NKPD1: variants seen among roughly 807,000 people sequenced by gnomAD.
NKPD1 encodes NTPase KAP family P-loop domain containing 1.
A neutral mutation model predicts 42.2 loss-of-function variants in NKPD1; 37 were observed. The ratio of observed to expected loss-of-function variants is 0.88; its 90% CI spans 0.67 to 1.15. NKPD1 has a LOEUF of 1.15. Among genes scored for constraint, NKPD1 ranks in the 50% most tolerant of loss-of-function variants. The pLI is 0.00. For missense variants in NKPD1, 1,113 were observed against 1,174.6 expected (o/e 0.95, Z 0.77); for synonymous variants, 552 against 536.5 (o/e 1.03, Z -0.40).
intron 2 of NKPD1, among the ~76,000 whole-genome samples, chr19:45,159,731 G>T (rs1968971733): frequency 6.6e-6 from 1 of 152,154 alleles, no homozygotes; most frequent in South Asian, 2.1e-4. Context: ...ATGTTCAGTG[G>T]GGGGGCTCCC....
intron 4 of NKPD1, 84 bp downstream of exon 4, chr19:45,155,701 G>A (rs557456920): frequency 3.5e-4 from 428 of 1,222,386 alleles, no homozygotes; most frequent in Middle Eastern, 3.5e-3. Flanking sequence ...AGGGGTGGGG[G>A]GATCTGGGGG....
In NKPD1 at chr19:45,158,796, C is replaced by A; in HGVS notation, c.396G>T (p.Thr132=). The part of the protein sequence containing the change: ...SAPQAPTLPT[T]APAMARSGPA... Reference sequence around the variant, plus strand: ...GGCCACTCCTGGCCATGGCTGGTGCCGTGGTGGGTAAGGTGGGCGCCTGAG... The same window carrying A: ...GGCCACTCCTGGCCATGGCTGGTGCAGTGGTGGGTAAGGTGGGCGCCTGAG... Residue 132 remains threonine (T), a synonymous_variant, in exon 3 of 5, where the codon ACG becomes ACT. Transcript: ENST00000686631. This position sits in a 1 kb window ranked among gnomAD's most constrained non-coding sequence, Gnocchi z 4.6. 1 of 1,259,102 alleles carries A rather than the reference C, an allele frequency of 7.9e-7. No homozygotes were observed. Among genetic ancestry groups the A allele is most frequent in the Non-Finnish European group, 1.0e-6 (1 of 968,542 alleles). The allele number at this position is 1,259,102 out of a possible 1,614,324, so 78.0% of individuals were successfully genotyped here. A position where few individuals can be genotyped will look rare whatever the true frequency, so the allele number is the denominator to read the frequency against.
In NKPD1 at chr19:45,153,000, C is replaced by A; in HGVS notation, c.1437G>T (p.Leu479=). The A allele has an allele frequency of 1.9e-6, 3 of 1,586,528 alleles. No individual in the cohort carries two copies. Among genetic ancestry groups the A allele is most frequent in the Non-Finnish European group, 2.6e-6 (3 of 1,165,696 alleles). ...TGAAGGGCGCGTGGCTGTCGGACAG[C>A]AGCGTGTTGATGGCGTTGAGCACGC... ...VVGVLNAINT[L]LSDSHAPFIF... is the part of the protein sequence containing the mutation. Residue 479 remains leucine (L), a synonymous_variant, in exon 5 of 5, where the codon CTG becomes CTT. Coordinates refer to ENST00000686631, the MANE Select transcript of NKPD1 (RefSeq NM_198478.4).
chr19:45,154,034 G>A (rs1354438290), intron 4 of NKPD1, among the ~76,000 whole-genome samples: 2 of 152,230 alleles, frequency 1.3e-5, no homozygotes, highest in Admixed American at 6.5e-5. Flanking sequence ...AGGTAGAGCC[G>A]GCAGAGGAGA....
At chr19:45,162,286 A>C (rs1164342852), upstream of NKPD1, among the ~76,000 whole-genome samples, 1 of 152,046 alleles carries the variant, frequency 6.6e-6, no homozygotes, top group African/African-American at 2.4e-5. Context: ...ACACAGCTAC[A>C]CTCAGCCAGG....
rs1170601544 is a variant in NKPD1, at chr19:45,159,042, C to T, written c.150G>A (p.Arg50=). 7.7e-7 allele frequency: 1 copy of T among 1,299,926 alleles called. No individual in the cohort carries two copies. The highest frequency in any genetic ancestry group is 2.3e-5 in the Admixed American group (1 of 42,756). 80.5% of individuals were successfully genotyped at this position (1,299,926 alleles called of 1,614,324 possible). The change falls in exon 3 of 5, where the codon CGG becomes CGA. Residue 50 remains arginine (R), a synonymous_variant. Coordinates refer to ENST00000686631, the MANE Select transcript of NKPD1 (RefSeq NM_198478.4). ...SAALRAHGPC[R]PSPQSHWQLA... is the part of the protein sequence containing the mutation. ...GCTGCCAGTGTGATTGGGGGGAAGG[C>T]CGACAGGGCCCATGGGCTCGGAGGG...
intron 4 of NKPD1, among the ~76,000 whole-genome samples, chr19:45,154,346 C>G (rs1384592764): frequency 6.6e-6 from 1 of 152,204 alleles, no homozygotes; most frequent in Non-Finnish European, 1.5e-5. Flanking sequence ...GGACAAGTCT[C>G]TCTCCCCTGC....
At chr19:45,154,333 T>G (rs1018089613) in intron 4 of NKPD1, among the ~76,000 whole-genome samples, 3 of 152,216 alleles carry the variant, frequency 2.0e-5, no homozygotes, top group African/African-American at 7.2e-5. Flanking sequence ...CATCACTGTC[T>G]GAGGACAAGT....
rs4803799 is a variant in NKPD1, at chr19:45,152,228, G to C, written c.2209C>G (p.Gln737Glu). The C allele has an allele frequency of 5.9e-3, 9,444 of 1,604,378 alleles. 232 individuals are homozygous for C. In the African/African-American group the frequency reaches 0.065, roughly 11 times the overall value. ...ADFPFTVAEA[Q>E]SLLRCTVNLD... is the part of the protein sequence containing the mutation. ...TTGACCGTGCAGCGCAGCAGGCTCT[G>C]CGCCTCGGCCACGGTGAAGGGGAAG... The change falls in exon 5 of 5, where the codon CAG becomes GAG. Residue 737 changes from glutamine (Q) to glutamate (E), a missense_variant. Gln to Glu is a conservative substitution (Grantham distance 29, BLOSUM62 2). This residue lies in a region of NKPD1 where 867 missense variants were observed against 870.1 expected (regional missense o/e 1.00). Coordinates refer to ENST00000686631, the MANE Select transcript of NKPD1 (RefSeq NM_198478.4).
In NKPD1 at chr19:45,152,117, G is replaced by C; in HGVS notation, c.2320C>G (p.Arg774Gly). The change falls in exon 5 of 5, where the codon CGC becomes GGC. Residue 774 changes from arginine (R) to glycine (G), a missense_variant. Around this residue, in one of 3 missense-constraint regions of NKPD1, gnomAD observed 867 missense variants for 870.1 expected, o/e 1.00. Transcript: ENST00000686631. Reference sequence around the variant, plus strand: ...CGGTGGGCAGCGTGGGGGGTATCGCGGGTAGGGGACTTGGGCGGGCTGGGC... The same window carrying C: ...CGGTGGGCAGCGTGGGGGGTATCGCCGGTAGGGGACTTGGGCGGGCTGGGC... ...KPPSPPKSPT[R>G]DTPHAAHRAN... 1 of 1,604,322 alleles carries C rather than the reference G, an allele frequency of 6.2e-7. No homozygotes were observed.
Position 45,159,033 on chromosome 19 carries a change from G to T in NKPD1, c.159C>A (p.Pro53=), listed in dbSNP as rs1407237195. ...GGTAGGCCAGCTGCCAGTGTGATTG[G>T]GGGGAAGGCCGACAGGGCCCATGGG... ...LRAHGPCRPS[P]QSHWQLAYHS... is the part of the protein sequence containing the mutation. The change falls in exon 3 of 5, where the codon CCC becomes CCA. Residue 53 remains proline, a synonymous_variant. Coordinates refer to ENST00000686631, the MANE Select transcript of NKPD1 (RefSeq NM_198478.4). 14 of 1,301,478 alleles carry T rather than the reference G, an allele frequency of 1.1e-5. No individual in the cohort carries two copies. The highest frequency in any genetic ancestry group is 1.4e-5 in the Non-Finnish European group (14 of 988,318). The allele number at this position is 1,301,478 out of a possible 1,614,324, so 80.6% of individuals were successfully genotyped here.
chr19:45,158,656 T>A lies in NKPD1; in HGVS notation c.529+7A>T, dbSNP rs997133409. On this transcript the variant is annotated splice_region_variant and intron_variant, in intron 3 of 4. Coordinates refer to ENST00000686631, the MANE Select transcript of NKPD1 (RefSeq NM_198478.4). This position sits in a 1 kb window ranked among gnomAD's most constrained non-coding sequence, Gnocchi z 4.6. ...GACAGGGCCCCCAAGAAGGCCAGGG[T>A]GAGCACCGGAGCTGTAGGCAGTGAA... 2 of 1,155,498 alleles carry A rather than the reference T, an allele frequency of 1.7e-6. No homozygotes were observed. Among genetic ancestry groups the A allele is most frequent in the Admixed American group, 8.4e-5 (2 of 23,770 alleles). 71.6% of individuals were successfully genotyped at this position (1,155,498 alleles called of 1,614,324 possible).
chr19:45,156,054 G>T, intron 3 of NKPD1, 138 bp from the exon 4 acceptor site: 2 of 788,736 alleles, frequency 2.5e-6, no homozygotes, highest in Non-Finnish European at 3.5e-6. Flanking sequence ...ACCCTGCAGT[G>T]GAGGTTTCTG....
intron 4 of NKPD1, 56 bp from the exon 5 acceptor site, chr19:45,153,831 GGCCTAGTACGGGCAGGGCGGA>G: frequency 7.1e-7 from 1 of 1,401,262 alleles, no homozygotes; most frequent in South Asian, 1.6e-5. Flanking sequence ...GGGTGGGCGG[GGCCTAGTACGGGCAGGGCGGA>G]GCGCTCCTGG....
Position 45,153,564 on chromosome 19 carries a change from C to A in NKPD1, c.873G>T (p.Lys291Asn). Residue 291 changes from lysine (K) to asparagine (N), a missense_variant, in exon 5 of 5, where the codon AAG becomes AAT. Transcript: ENST00000686631. Reference sequence around the variant, plus strand: ...ACGTGGTCACCAGGCCGGCCCACAGCTTGTCGGTGCCCGCGTACTGCCAGG... The same window carrying A: ...ACGTGGTCACCAGGCCGGCCCACAGATTGTCGGTGCCCGCGTACTGCCAGG... ...FSAWQYAGTD[K>N]LWAGLVTTLC... The A allele has an allele frequency of 6.4e-7, 1 of 1,554,880 alleles. No homozygotes were observed. The highest frequency in any genetic ancestry group is 1.9e-5 in the Admixed American group (1 of 53,542).
rs1402616692 is a variant in NKPD1 at position 45,153,198 on chromosome 19, C to T, written c.1239G>A (p.Arg413=). Residue 413 remains arginine, a synonymous_variant, in exon 5 of 5, where the codon CGG becomes CGA. Transcript: ENST00000686631. ...LFVSQRKKIE[R]LVSREKFGSQ... ...TGCCGAACTTTTCACGCGACACCAG[C>T]CGCTCGATCTTCTTGCGCTGGCTTA... 6.3e-6 allele frequency: 10 copies of T among 1,589,448 alleles called. No individual in the cohort carries two copies. In the South Asian group the frequency reaches 9.1e-5, roughly 14 times the overall value.
At position 45,152,217 on chromosome 19, in the gene NKPD1, C is replaced by A. The variant is rs757346619; in HGVS notation, c.2220G>T (p.Leu740=). The A allele has an allele frequency of 3.7e-6, 6 of 1,602,276 alleles. No individual in the cohort carries two copies. In the African/African-American group the frequency reaches 8.0e-5, roughly 21 times the overall value. Residue 740 remains leucine (L), a synonymous_variant, in exon 5 of 5, where the codon CTG becomes CTT. Transcript: ENST00000686631. The part of the protein sequence containing the change: ...PFTVAEAQSL[L]RCTVNLDHSI... ...AGTGGTCCAGGTTGACCGTGCAGCG[C>A]AGCAGGCTCTGCGCCTCGGCCACGG...
At position 45,152,438 on chromosome 19, in the gene NKPD1, G is replaced by A; in HGVS notation, c.1999C>T (p.Leu667=). 1 of 1,560,600 alleles carries A rather than the reference G, an allele frequency of 6.4e-7. No homozygotes were observed. The highest frequency in any genetic ancestry group is 8.6e-7 in the Non-Finnish European group (1 of 1,156,922). Residue 667 remains leucine, a synonymous_variant, in exon 5 of 5, where the codon CTG becomes TTG. Transcript: ENST00000686631. ...VVLANQWPCR[L]SWALQCLEDR... is the part of the protein sequence containing the mutation. ...TCCAGGCACTGCAGCGCCCAGCTCA[G>A]GCGGCACGGCCACTGGTTGGCGAGC...
rs1431606662 is a variant in NKPD1 at position 45,153,933 on chromosome 19, G to A, written c.662-158C>T. The A allele has an allele frequency of 1.3e-5, 9 of 719,810 alleles. No individual in the cohort carries two copies. The East Asian group carries it at 3.0e-4, about 24-fold the overall frequency. 44.6% of individuals were successfully genotyped at this position (719,810 alleles called of 1,614,324 possible). ...GCGGCCGCTCCTTAAAGAGCTGGAA[G>A]CCGGTGCAGAAGCGGGGGCGTGGAG... On this transcript the variant is annotated intron_variant, in intron 4 of 4. Coordinates refer to ENST00000686631, the MANE Select transcript of NKPD1 (RefSeq NM_198478.4).
Sources: gnomAD v4.1 joint callset for allele counts (sites outside exome capture counted in the v4.1 genomes callset) on GRCh38, gnomAD v4.1.1 for gene constraint, gnomAD v4.1.1 regional missense constraint, Gnocchi (gnomAD v3.1) non-coding constraint, MANE v1.5 for transcripts, NCBI Gene and HGNC (gene_info 2026-07-23, HGNC 2026-07-21) for gene names.